Variants in FGF17 observed in about 807,000 individuals in gnomAD.
FGF17 encodes the protein fibroblast growth factor 17.
FGF17 carries 5 observed loss-of-function variants against 23.5 expected under a neutral mutation model. That is an observed-to-expected ratio of 0.21 (90% CI 0.11 to 0.45). FGF17 has a LOEUF of 0.45. Ranked by LOEUF, FGF17 falls within the 20% of genes least tolerant of loss-of-function variation. The pLI, the probability that FGF17 is intolerant of heterozygous loss-of-function variation, is 0.99. For missense variants in FGF17, 221 were observed against 306.9 expected (o/e 0.72, Z 2.09); for synonymous variants, 136 against 123.0 (o/e 1.11, Z -0.70).
Position 22,045,722 on chromosome 8 carries a change from T to C in FGF17, c.73-392T>C, listed in dbSNP as rs1054547926. ...CATGTCCTTGGAGTTCTGGGGGAGA[T>C]GACAGGCTCTGGTCTAAGAGGTAGG... is the stretch of plus-strand genomic sequence containing the variant. On this transcript the variant is annotated intron_variant, in intron 2 of 4. Transcript: ENST00000359441. 6 of 1,120,476 alleles carry C rather than the reference T, an allele frequency of 5.4e-6. No individual in the cohort carries two copies. In the South Asian group the frequency reaches 7.0e-5, roughly 13 times the overall value. 69.4% of individuals were successfully genotyped at this position (1,120,476 alleles called of 1,614,324 possible). A position where few individuals can be genotyped will look rare whatever the true frequency, so the allele number is the denominator to read the frequency against.
chr8:22,047,957 C>A lies in FGF17; in HGVS notation c.359C>A (p.Pro120His), dbSNP rs367959077. ...TTCCTGTCCTTGCTTCTCCCGCAGC[C>A]CAGCGGGAAGAGCAAAGACTGCGTG... ...MNKRGKLIGK[P>H]SGKSKDCVFT... Residue 120 changes from proline to histidine, a missense_variant and splice_region_variant, in exon 5 of 5, where the codon CCC becomes CAC. Pro to His is a moderately conservative substitution (Grantham distance 77). Around this residue, in one of 3 missense-constraint regions of FGF17, gnomAD observed 128 missense variants for 150.4 expected, o/e 0.85. Coordinates refer to ENST00000359441, the MANE Select transcript of FGF17 (RefSeq NM_003867.4). The A allele has an allele frequency of 1.9e-6, 3 of 1,598,246 alleles. No homozygotes were observed. The Admixed American group carries it at 5.0e-5, about 27-fold the overall frequency.
intron 4 of FGF17, 68 bp from the exon 5 acceptor site, chr8:22,047,888 C>T (rs917334241): frequency 1.3e-6 from 2 of 1,496,328 alleles, no homozygotes; most frequent in Admixed American, 1.9e-5. Context: ...CCAAAATAGG[C>T]CGTAAGGGCG....
rs1403625215 is a variant in FGF17 at position 22,048,272 on chromosome 8, C to T, written c.*23C>T. On this transcript the variant is annotated 3_prime_UTR_variant, in exon 5 of 5. Coordinates refer to ENST00000359441, the MANE Select transcript of FGF17 (RefSeq NM_003867.4). This position sits in a 1 kb window ranked among gnomAD's most constrained non-coding sequence, Gnocchi z 6.9. ...TAGTCTGGGAGGCAGGGGGCAGCAG[C>T]CCCTGGGCCGCCTCCCCACCCCTTT... The T allele has an allele frequency of 6.4e-7, 1 of 1,558,072 alleles. No individual in the cohort carries two copies. Among genetic ancestry groups the T allele is most frequent in the South Asian group, 1.2e-5 (1 of 86,390 alleles).
At chr8:22,047,904 C>T in intron 4 of FGF17, 52 bp from the exon 5 acceptor site, 1 of 1,559,282 alleles carries the variant, frequency 6.4e-7, no homozygotes, top group Non-Finnish European at 8.7e-7. Context: ...GGGCGACACC[C>T]CAGACCAGGG....
intron 2 of FGF17, 195 bp from the exon 3 acceptor site, chr8:22,045,919 G>T: frequency 6.7e-7 from 1 of 1,489,804 alleles, no homozygotes; most frequent in African/African-American, 1.4e-5. Context: ...CTTCTGTAAG[G>T]TAGACGCAAA....
chr8:22,048,600 C>G lies in FGF17; in HGVS notation c.*351C>G, dbSNP rs1480176469. 3 of 303,676 alleles carry G rather than the reference C, an allele frequency of 9.9e-6. No homozygotes were observed. The highest frequency in any genetic ancestry group is 1.8e-5 in the Non-Finnish European group (3 of 164,074). 18.8% of individuals were successfully genotyped at this position (303,676 alleles called of 1,614,324 possible). ...GTCTGGAGGTGGCTGTCCTCAAAAT[C>G]TGCTTCTCGGATCTCCCTCAGTCTG... is the stretch of plus-strand genomic sequence containing the variant. On this transcript the variant is annotated 3_prime_UTR_variant, in exon 5 of 5. Coordinates refer to ENST00000359441, the MANE Select transcript of FGF17 (RefSeq NM_003867.4). The surrounding 1 kb of genome is among the most constrained non-coding windows in gnomAD (Gnocchi z 6.9).
chr8:22,042,027 G>A (rs1800747039), upstream of FGF17, among the ~76,000 whole-genome samples: 1 of 152,172 alleles, frequency 6.6e-6, no homozygotes, highest in South Asian at 2.1e-4. Flanking sequence ...CAGACATCTT[G>A]AAGTCTGCTA....
upstream of FGF17, among the ~76,000 whole-genome samples, chr8:22,041,165 G>C (rs1428062330): frequency 6.6e-6 from 1 of 152,130 alleles, no homozygotes; most frequent in Non-Finnish European, 1.5e-5. Context: ...ACTCCCCCAG[G>C]TAAGCAAGGC....
Position 22,046,627 on chromosome 8 carries a change from C to T in FGF17, c.351C>T (p.Ile117=), listed in dbSNP as rs749233488. 43 of 1,610,412 alleles carry T rather than the reference C, an allele frequency of 2.7e-5. No individual in the cohort carries two copies. The highest frequency in any genetic ancestry group is 6.7e-5 in the African/African-American group (5 of 74,836). ...YICMNKRGKL[I]GKPSGKSKDC... ...GTATGAACAAGAGGGGCAAGCTCAT[C>T]GGGAAGGTGAGGCTGGGAGACTGGG... The change falls in exon 4 of 5, where the codon ATC becomes ATT. Residue 117 remains isoleucine (I), a synonymous_variant. Transcript: ENST00000359441.
Position 22,042,895 on chromosome 8 carries a change from C to T in FGF17, c.-34C>T, listed in dbSNP as rs1800762703. ...CCACATCTGCTCCTGAGCTTGGGGG[C>T]AGGGGGGCAACCGCCTGAGGAACCT... On this transcript the variant is annotated 5_prime_UTR_variant, in exon 1 of 5. Coordinates refer to ENST00000359441, the MANE Select transcript of FGF17 (RefSeq NM_003867.4). The T allele has an allele frequency of 3.7e-6, 6 of 1,612,230 alleles. No homozygotes were observed. The East Asian group carries it at 1.3e-4, about 36-fold the overall frequency.
chr8:22,043,113 C>A (rs1388358456), intron 1 of FGF17, 32 bp from the exon 2 acceptor site: 1 of 1,612,946 alleles, frequency 6.2e-7, no homozygotes, highest in Non-Finnish European at 8.5e-7. Flanking sequence ...AGCTGGCACC[C>A]ACACCTGGGC....
At position 22,048,414 on chromosome 8, in the gene FGF17, C is replaced by T. The variant is rs1369017542; in HGVS notation, c.*165C>T. 2 of 664,918 alleles carry T rather than the reference C, an allele frequency of 3.0e-6. No homozygotes were observed. Among genetic ancestry groups the T allele is most frequent in the Non-Finnish European group, 5.0e-6 (2 of 397,756 alleles). 41.2% of individuals were successfully genotyped at this position (664,918 alleles called of 1,614,324 possible). A position where few individuals can be genotyped will look rare whatever the true frequency, so the allele number is the denominator to read the frequency against. On this transcript the variant is annotated 3_prime_UTR_variant, in exon 5 of 5. Coordinates refer to ENST00000359441, the MANE Select transcript of FGF17 (RefSeq NM_003867.4). The surrounding 1 kb of genome is among the most constrained non-coding windows in gnomAD (Gnocchi z 6.9). ...CAGCTGGGAAGGGGCAGGCCGGTGC[C>T]CCAGGGGCGGCTGGCACAGTGCCCC...
Position 22,048,078 on chromosome 8 carries a change from C to G in FGF17, c.480C>G (p.Arg160=). 6.2e-7 allele frequency: 1 copy of G among 1,612,782 alleles called. No individual in the cohort carries two copies. The highest frequency in any genetic ancestry group is 2.2e-5 in the East Asian group (1 of 44,866). The change falls in exon 5 of 5, where the codon CGC becomes CGG. Residue 160 remains arginine, a synonymous_variant. Transcript: ENST00000359441. The surrounding 1 kb of genome is among the most constrained non-coding windows in gnomAD (Gnocchi z 6.9). ...FMAFTRQGRP[R]QASRSRQNQR... The stretch of plus-strand genomic sequence containing the variant: ...CCTTCACGCGGCAGGGGCGGCCCCG[C>G]CAGGCTTCCCGCAGCCGCCAGAACC...
At chr8:22,042,746 C>A, upstream of FGF17, 1 of 620,390 alleles carries the variant, frequency 1.6e-6, no homozygotes, top group Non-Finnish European at 2.9e-6. Flanking sequence ...ATTACGCCCT[C>A]CTCCTCCCCC....
Position 22,048,760 on chromosome 8 carries a change from G to C in FGF17, c.*511G>C, listed in dbSNP as rs188490749. The C allele has an allele frequency of 9.3e-3, 1,422 of 153,214 alleles. 28 individuals are homozygous for C. The highest frequency in any genetic ancestry group is 0.031 in the African/African-American group (1,291 of 41,538). 9.5% of individuals were successfully genotyped at this position (153,214 alleles called of 1,614,324 possible). ...TCCTCACATTCCACGACCCAGGCCT[G>C]CACCCCACCCCCAACTCCCAGCCCC... On this transcript the variant is annotated 3_prime_UTR_variant, in exon 5 of 5. Transcript: ENST00000359441. The surrounding 1 kb of genome is among the most constrained non-coding windows in gnomAD (Gnocchi z 6.9).
Position 22,048,225 on chromosome 8 carries a change from A to C in FGF17, c.627A>C (p.Thr209=), listed in dbSNP as rs760213226. ...GSAPTRRTKR[T]RRPQPLT ...CCCCCACCCGCCGGACCAAGCGCAC[A>C]CGGCGGCCCCAGCCCCTCACGTAGT... Residue 209 remains threonine, a synonymous_variant, in exon 5 of 5, where the codon ACA becomes ACC. Transcript: ENST00000359441. This position sits in a 1 kb window ranked among gnomAD's most constrained non-coding sequence, Gnocchi z 6.9. 1 of 1,608,722 alleles carries C rather than the reference A, an allele frequency of 6.2e-7. No homozygotes were observed. The highest frequency in any genetic ancestry group is 1.1e-5 in the South Asian group (1 of 90,714).
intron 2 of FGF17, chr8:22,045,640 T>G: frequency 2.8e-6 from 3 of 1,052,994 alleles, no homozygotes; most frequent in Non-Finnish European, 3.4e-6. Flanking sequence ...GGGCAAGGGG[T>G]CTTTCAAGGC....
intron 2 of FGF17, among the ~76,000 whole-genome samples, chr8:22,043,395 C>T (rs1326873848): frequency 6.6e-6 from 1 of 152,138 alleles, no homozygotes; most frequent in East Asian, 1.9e-4. Flanking sequence ...CCTCTGAGGA[C>T]CCTCCCCACT....
intron 2 of FGF17, 25 bp from the exon 3 acceptor site, chr8:22,046,089 T>C: frequency 6.2e-7 from 1 of 1,614,094 alleles, no homozygotes; most frequent in Non-Finnish European, 8.5e-7. Flanking sequence ...AAATTGACAC[T>C]ATTTTTCCCT....
Sources: gnomAD v4.1 joint callset for allele counts (sites outside exome capture counted in the v4.1 genomes callset) on GRCh38, gnomAD v4.1.1 for gene constraint, gnomAD v4.1.1 regional missense constraint, Gnocchi (gnomAD v3.1) non-coding constraint, MANE v1.5 for transcripts, NCBI Gene and HGNC (gene_info 2026-07-23, HGNC 2026-07-21) for gene names.